ACACA: variants seen among roughly 807,000 people sequenced by gnomAD.
ACACA encodes the protein acetyl-CoA carboxylase 1.
A neutral mutation model predicts 296.1 loss-of-function variants in ACACA; 103 were observed. That is an observed-to-expected ratio of 0.35 (90% CI 0.30 to 0.41). The LOEUF (loss-of-function observed/expected upper bound fraction) is 0.41, where lower values mean the gene tolerates loss of function less well. Ranked by LOEUF, ACACA falls within the 10% of genes least tolerant of loss-of-function variation. The pLI is 1.00. For synonymous variants in ACACA, 953 were observed against 1,038.6 expected, an observed-to-expected ratio of 0.92 and a Z score of 1.58; for missense variants, 1,554 against 2,989.7, an observed-to-expected ratio of 0.52 and a Z score of 11.20.
chr17:37,246,875 A>G lies in ACACA; in HGVS notation c.2411T>C (p.Val804Ala). Residue 804 changes from valine to alanine, a missense_variant, in exon 19 of 56, where the codon GTA (valine) becomes GCA (alanine). Val to Ala is a moderately conservative substitution (Grantham distance 64, BLOSUM62 0). Coordinates refer to ENST00000616317, the MANE Select transcript of ACACA (RefSeq NM_198834.3). ...PSAGKLIQYI[V>A]EDGGHVFAGQ... ...GGCAAACACATGACCTCCATCTTCTACAATGTACTGGATTAACTTCCCAGC... is the reference window on the plus strand; with the variant it reads ...GGCAAACACATGACCTCCATCTTCTGCAATGTACTGGATTAACTTCCCAGC... 1 of 1,614,124 alleles carries G rather than the reference A, an allele frequency of 6.2e-7. No individual in the cohort carries two copies. Among genetic ancestry groups the G allele is most frequent in the Non-Finnish European group, 8.5e-7 (1 of 1,180,042 alleles).
intron 35 of ACACA, among the ~76,000 whole-genome samples, chr17:37,196,439 C>T (rs11263823): frequency 0.33 from 49,507 of 151,808 alleles, 10,022 homozygotes; most frequent in African/African-American, 0.56. Context: ...GATATGTAGA[C>T]CTTTTTTTTA....
chr17:37,235,492 C>T (rs116154874), intron 24 of ACACA, among the ~76,000 whole-genome samples: 3,855 of 152,124 alleles, frequency 0.025, 86 homozygotes, highest in African/African-American at 0.055. Context: ...TTTCTTTAGA[C>T]GAGAAATTTC....
Position 37,143,525 on chromosome 17 carries a change from TGGTA to T in ACACA, c.5679+6335_5679+6338del, listed in dbSNP as rs1161593501. ...GGACAGGGCTATCTAAAGACACTTTTGGTAGTGTGTTAACTATACAAAAGAAGAC... is the reference window on the plus strand; with the variant it reads ...GGACAGGGCTATCTAAAGACACTTTTGTGTGTTAACTATACAAAAGAAGAC... On this transcript the variant is annotated intron_variant, in intron 45 of 55. Transcript: ENST00000616317. The T allele has an allele frequency of 6.4e-3, 2,803 of 440,770 alleles. 68 individuals carry two copies. The highest frequency in any genetic ancestry group is 0.05 in the African/African-American group (2,463 of 49,228). 27.3% of individuals were successfully genotyped at this position (440,770 alleles called of 1,614,324 possible).
At chr17:37,138,992 G>C (rs2143744525) in intron 45 of ACACA, among the ~76,000 whole-genome samples, 1 of 152,236 alleles carries the variant, frequency 6.6e-6, no homozygotes, top group South Asian at 2.1e-4. Flanking sequence ...TAGGGGGCAG[G>C]GGTGATAAGC....
At chr17:37,089,316 A>G (rs536772414) in intron 54 of ACACA, among the ~76,000 whole-genome samples, 9 of 152,296 alleles carry the variant, frequency 5.9e-5, no homozygotes, top group Non-Finnish European at 1.3e-4. Context: ...TCTCCCGAGC[A>G]CTCTGGTGCT....
Position 37,217,762 on chromosome 17 carries a change from AAAC to A in ACACA, c.3683+3959_3683+3961del, listed in dbSNP as rs1555601627. Among the ~76,000 whole-genome samples, 81 of 130,096 alleles carry A rather than the reference AAAC, an allele frequency of 6.2e-4. 5 individuals are homozygous for A. Among genetic ancestry groups the A allele is most frequent in the African/African-American group, 3.0e-3 (77 of 25,484 alleles). The allele number at this position is 130,096 out of a possible 152,430, so 85.3% of individuals were successfully genotyped here. On this transcript the variant is annotated intron_variant, in intron 29 of 55. Transcript: ENST00000616317. Reference sequence around the variant, plus strand: ...AAAAAAAAAAAAAAAAAAAAAAAAAAAACAACCTGTTTTCTCCCCCAATAATTT... The same window carrying A: ...AAAAAAAAAAAAAAAAAAAAAAAAAAAACCTGTTTTCTCCCCCAATAATTT...
chr17:37,362,871 A>T (rs1332833786), intron 1 of ACACA, among the ~76,000 whole-genome samples: 1 of 150,414 alleles, frequency 6.6e-6, no homozygotes, highest in Non-Finnish European at 1.5e-5. Flanking sequence ...GCTACTCCGG[A>T]GGCTGAGGCA....
At chr17:37,325,352 G>A (rs537222468) in intron 3 of ACACA, among the ~76,000 whole-genome samples, 1 of 148,742 alleles carries the variant, frequency 6.7e-6, no homozygotes, top group Admixed American at 6.7e-5. Context: ...TACAACAAGA[G>A]TGAAACTCAG....
At chr17:37,366,970 C>T (rs1484691140) in intron 1 of ACACA, 1 of 151,914 alleles carries the variant, frequency 6.6e-6, no homozygotes, top group Non-Finnish European at 1.5e-5. Flanking sequence ...CACCTATAAT[C>T]CCAGCTACTC....
chr17:37,182,608 A>C (rs1375718134), intron 39 of ACACA, among the ~76,000 whole-genome samples: 4 of 152,232 alleles, frequency 2.6e-5, no homozygotes, highest in Non-Finnish European at 5.9e-5. Flanking sequence ...GTATAACACT[A>C]AACTAGGCAC....
intron 1 of ACACA, among the ~76,000 whole-genome samples, chr17:37,357,544 AG>A (rs1463575127): frequency 6.6e-6 from 1 of 152,154 alleles, no homozygotes; most frequent in Admixed American, 6.5e-5. Flanking sequence ...TAGTAAACAC[AG>A]ATGGCTTCAT....
chr17:37,215,067 C>T (rs1262527176), intron 29 of ACACA, among the ~76,000 whole-genome samples: 1 of 152,148 alleles, frequency 6.6e-6, no homozygotes, highest in Non-Finnish European at 1.5e-5. Context: ...AGGATGGATG[C>T]CAAGCAGCCT....
At chr17:37,096,720 C>G (rs534464552) in intron 54 of ACACA, among the ~76,000 whole-genome samples, 27 of 152,314 alleles carry the variant, frequency 1.8e-4, no homozygotes, top group Non-Finnish European at 2.9e-4. Flanking sequence ...GCCATGCCCC[C>G]AGAAGCAAAT....
At chr17:37,107,427 T>C (rs2073750999) in intron 52 of ACACA, among the ~76,000 whole-genome samples, 1 of 152,206 alleles carries the variant, frequency 6.6e-6, no homozygotes, top group African/African-American at 2.4e-5. Context: ...TAGAGAAGGC[T>C]TGGGAGGAAG....
chr17:37,124,002 T>C (rs1282381966), intron 48 of ACACA, among the ~76,000 whole-genome samples: 6 of 152,214 alleles, frequency 3.9e-5, no homozygotes, highest in Non-Finnish European at 7.3e-5. Flanking sequence ...ACATCTTGTT[T>C]TATAGTGTGT....
intron 1 of ACACA, among the ~76,000 whole-genome samples, chr17:37,379,666 A>T (rs1429667129): frequency 1.3e-5 from 2 of 152,078 alleles, no homozygotes; most frequent in Non-Finnish European, 2.9e-5. Context: ...CAAAAAACAC[A>T]TGAAAAAATG....
At chr17:37,289,181 G>C (rs1235670376) in intron 3 of ACACA, among the ~76,000 whole-genome samples, 1 of 151,610 alleles carries the variant, frequency 6.6e-6, no homozygotes, top group African/African-American at 2.4e-5. Flanking sequence ...AGAATCGCTT[G>C]AACCCAGGAG....
chr17:37,285,301 C>T (rs762657735), intron 3 of ACACA, among the ~76,000 whole-genome samples: 7 of 152,146 alleles, frequency 4.6e-5, no homozygotes, highest in Non-Finnish European at 7.4e-5. Context: ...TTCTGGATCA[C>T]GACTCTGGTG....
intron 3 of ACACA, among the ~76,000 whole-genome samples, chr17:37,329,633 T>G (rs2047773234): frequency 7.7e-6 from 1 of 130,356 alleles, no homozygotes; most frequent in African/African-American, 3.3e-5. Context: ...AGAGTGAGAC[T>G]CTATCTCAAA....
Sources: allele counts gnomAD v4.1 joint callset (sites outside exome capture counted in the v4.1 genomes callset), GRCh38; gene constraint gnomAD v4.1.1; transcripts MANE v1.5; gene names NCBI Gene and HGNC (gene_info 2026-07-23, HGNC 2026-07-21).